Variants in PLEKHA5 observed in about 807,000 individuals in gnomAD.
PLEKHA5 encodes the protein pleckstrin homology domain-containing family A member 5.
Under a neutral mutation model 181.9 loss-of-function variants are expected in PLEKHA5, and 55 were observed. The observed-to-expected ratio is 0.30, with a 90% CI of 0.24 to 0.38. The LOEUF (loss-of-function observed/expected upper bound fraction) is 0.38. Among genes scored for constraint, PLEKHA5 ranks in the 10% least tolerant of loss-of-function variants. PLEKHA5 has a pLI of 1.00. For missense variants in PLEKHA5, 1,432 were observed against 1,549.5 expected, an observed-to-expected ratio of 0.92 and a Z score of 1.27; for synonymous variants, 535 against 529.4, an observed-to-expected ratio of 1.01 and a Z score of -0.15.
intron 15 of PLEKHA5, among the ~76,000 whole-genome samples, chr12:19,309,530 C>T (rs1283306239): frequency 1.3e-5 from 2 of 151,898 alleles, no homozygotes; most frequent in Non-Finnish European, 1.5e-5. Flanking sequence ...CCGAGGCGGG[C>T]GGATCCCCTG....
chr12:19,191,914 C>T (rs540068314), intron 3 of PLEKHA5, among the ~76,000 whole-genome samples: 231 of 152,202 alleles, frequency 1.5e-3, no homozygotes, highest in Non-Finnish European at 2.4e-3. Context: ...GCCGCACTGC[C>T]ATTATGACTT....
At chr12:19,365,188 G>A (rs936330268) in intron 29 of PLEKHA5, among the ~76,000 whole-genome samples, 1 of 151,816 alleles carries the variant, frequency 6.6e-6, no homozygotes, top group African/African-American at 2.4e-5. Flanking sequence ...TGGCTAACAC[G>A]GTGAAACCCC....
At chr12:19,300,135 C>T (rs1219897810) in intron 15 of PLEKHA5, among the ~76,000 whole-genome samples, 2 of 152,220 alleles carry the variant, frequency 1.3e-5, no homozygotes, top group Non-Finnish European at 2.9e-5. Context: ...GCATATGGAC[C>T]AATTAACCTT....
chr12:19,175,912 G>C (rs557410725), intron 3 of PLEKHA5, among the ~76,000 whole-genome samples: 3 of 152,150 alleles, frequency 2.0e-5, no homozygotes, highest in Admixed American at 1.3e-4. Flanking sequence ...CAATCAATAG[G>C]ATTCTGCCCG....
chr12:19,202,449 A>T (rs955137341), intron 3 of PLEKHA5, among the ~76,000 whole-genome samples: 1 of 152,080 alleles, frequency 6.6e-6, no homozygotes, highest in African/African-American at 2.4e-5. Context: ...TAATCAGAGC[A>T]AACTCAAAAT....
intron 2 of PLEKHA5, among the ~76,000 whole-genome samples, chr12:19,131,283 CTG>C (rs1278656456): frequency 1.3e-5 from 2 of 152,154 alleles, no homozygotes; most frequent in African/African-American, 2.4e-5. Flanking sequence ...ACCTGCCTCT[CTG>C]TGAAATGCTG....
intron 3 of PLEKHA5, among the ~76,000 whole-genome samples, chr12:19,204,238 A>G (rs762128769): frequency 2.0e-5 from 3 of 152,108 alleles, no homozygotes; most frequent in African/African-American, 4.8e-5. Context: ...GAAGAAGGGA[A>G]AAGCACTAAT....
intron 3 of PLEKHA5, chr12:19,151,159 A>T (rs1325754198): frequency 1.3e-5 from 2 of 152,298 alleles, no homozygotes; most frequent in African/African-American, 4.8e-5. Flanking sequence ...TCTTTGAGAG[A>T]ATGCAGTAGG....
chr12:19,295,791 G>A (rs1166981943), intron 15 of PLEKHA5, among the ~76,000 whole-genome samples: 3 of 152,120 alleles, frequency 2.0e-5, no homozygotes, highest in African/African-American at 7.2e-5. Context: ...GTACCCTACT[G>A]GTTATTAAGG....
intron 29 of PLEKHA5, among the ~76,000 whole-genome samples, chr12:19,362,323 C>T (rs912823480): frequency 6.6e-6 from 1 of 152,000 alleles, no homozygotes; most frequent in Non-Finnish European, 1.5e-5. Context: ...CACTAGAAGT[C>T]AGGAGTTTGA....
chr12:19,374,045 G>A (rs913880665), intron 31 of PLEKHA5, among the ~76,000 whole-genome samples: 3 of 152,178 alleles, frequency 2.0e-5, no homozygotes, highest in Non-Finnish European at 4.4e-5. Context: ...CTAAAGGCAT[G>A]AAAACTTGTA....
intron 14 of PLEKHA5, 131 bp downstream of exon 14, chr12:19,290,927 A>G (rs1565574664): frequency 5.4e-6 from 4 of 747,134 alleles, no homozygotes; most frequent in Non-Finnish European, 8.0e-6. Context: ...CAACATTAGA[A>G]TCTCCTATTA....
chr12:19,170,872 G>A (rs2045739008), intron 3 of PLEKHA5, among the ~76,000 whole-genome samples: 1 of 152,224 alleles, frequency 6.6e-6, no homozygotes, highest in South Asian at 2.1e-4. Context: ...TTGGGAGGAT[G>A]ACTGTGCCAC....
intron 15 of PLEKHA5, among the ~76,000 whole-genome samples, chr12:19,299,985 G>C (rs560251013): frequency 6.6e-6 from 1 of 152,136 alleles, no homozygotes; most frequent in African/African-American, 2.4e-5. Flanking sequence ...CCATTTCTCA[G>C]ATACTTCCAA....
chr12:19,163,619 T>C (rs890687242), intron 3 of PLEKHA5, among the ~76,000 whole-genome samples: 7 of 152,328 alleles, frequency 4.6e-5, no homozygotes, highest in Non-Finnish European at 7.4e-5. Context: ...TGGAAAACTA[T>C]GTTTAACTTC....
intron 20 of PLEKHA5, among the ~76,000 whole-genome samples, chr12:19,325,929 C>T (rs1201060140): frequency 2.0e-5 from 3 of 152,038 alleles, no homozygotes; most frequent in Non-Finnish European, 4.4e-5. Flanking sequence ...ATCGCTTGAA[C>T]CCGGGAGGCT....
At chr12:19,170,767 A>C (rs2045712221) in intron 3 of PLEKHA5, among the ~76,000 whole-genome samples, 1 of 152,130 alleles carries the variant, frequency 6.6e-6, no homozygotes, top group Non-Finnish European at 1.5e-5. Flanking sequence ...ATTTCTGGAG[A>C]CGACATACTT....
chr12:19,246,478 C>G (rs2063775202), intron 3 of PLEKHA5, among the ~76,000 whole-genome samples: 1 of 151,580 alleles, frequency 6.6e-6, no homozygotes, highest in South Asian at 2.1e-4. Flanking sequence ...CAAAAATTAG[C>G]CAGGCATGGT....
chr12:19,253,064 C>CTTTTTTTTTTTTTGTTTTTTTTTT (rs2065793540), intron 3 of PLEKHA5, among the ~76,000 whole-genome samples: 1 of 45,836 alleles, frequency 2.2e-5, no homozygotes, highest in African/African-American at 6.4e-5. Flanking sequence ...ATCAACTTAC[C>CTTTTTTTTTTTTTGTTTTTTTTTT]TTTTTTTTTT....
Sources: gnomAD v4.1 joint callset for allele counts (sites outside exome capture counted in the v4.1 genomes callset) on GRCh38, gnomAD v4.1.1 for gene constraint, MANE v1.5 for transcripts, NCBI Gene and HGNC (gene_info 2026-07-23, HGNC 2026-07-21) for gene names.